CREM: variants seen among roughly 807,000 people sequenced by gnomAD.
The protein encoded by CREM is cAMP-responsive element modulator.
CREM carries 13 observed loss-of-function variants against 37.3 expected under a neutral mutation model. The ratio of observed to expected loss-of-function variants is 0.35; its 90% CI spans 0.23 to 0.55. The LOEUF is 0.55. Among genes scored for constraint, CREM ranks in the 20% least tolerant of loss-of-function variants. The pLI, the probability that CREM is intolerant of heterozygous loss-of-function variation, is 0.88. For missense variants in CREM, 296 were observed against 362.3 expected (o/e 0.82, Z 1.49); for synonymous variants, 124 against 120.2 (o/e 1.03, Z -0.21).
chr10:35,149,123 C>G (rs1159625164), intron 3 of CREM, among the ~76,000 whole-genome samples: 2 of 152,014 alleles, frequency 1.3e-5, no homozygotes, highest in Non-Finnish European at 2.9e-5. Context: ...AGCAATAATT[C>G]CAGTAGGGTA....
Position 35,188,213 on chromosome 10 carries a change from A to T in CREM, c.423A>T (p.Gln141His). Residue 141 changes from glutamine to histidine, a missense_variant, in exon 6 of 8, where the codon CAA becomes CAT. Physicochemically the swap from Gln to His is conservative, Grantham distance 24. Transcript: ENST00000685392. ...TTTTCTGTTAAGTTGCTATAGCCCA[A>T]GGTGGAACAATCCAGATTTCTAACC... ...TSTGQYIAIA[Q>H]GGTIQISNPG... 6.2e-7 allele frequency: 1 copy of T among 1,613,240 alleles called. No homozygotes were observed. The highest frequency in any genetic ancestry group is 2.2e-5 in the East Asian group (1 of 44,870).
At chr10:35,138,301 G>C (rs1252584096) in intron 2 of CREM, among the ~76,000 whole-genome samples, 1 of 152,140 alleles carries the variant, frequency 6.6e-6, no homozygotes, top group Non-Finnish European at 1.5e-5. Flanking sequence ...GTTTTCTTTT[G>C]ATTACTTTCA....
rs2092334537 is a variant in CREM, at chr10:35,148,474, A to G, written c.151A>G (p.Ile51Val). ...HVQTQTGQNS[I>V]PALAQVAAIA... Reference sequence around the variant, plus strand: ...GCAGACTCAGACTGGCCAAAATTCAATCCCTGCTTTAGCTCAGGTAGGCAA... The same window carrying G: ...GCAGACTCAGACTGGCCAAAATTCAGTCCCTGCTTTAGCTCAGGTAGGCAA... Residue 51 changes from isoleucine to valine, a missense_variant, in exon 3 of 8, where the codon ATC becomes GTC. Ile to Val is a conservative substitution (Grantham distance 29). Around this residue, in one of 2 missense-constraint regions of CREM, gnomAD observed 257 missense variants for 280.2 expected, o/e 0.92. Transcript: ENST00000685392. The G allele has an allele frequency of 6.2e-7, 1 of 1,612,174 alleles. No individual in the cohort carries two copies. The highest frequency in any genetic ancestry group is 8.5e-7 in the Non-Finnish European group (1 of 1,179,270).
intron 1 of CREM, among the ~76,000 whole-genome samples, chr10:35,131,969 G>C (rs1236495063): frequency 6.6e-6 from 1 of 152,076 alleles, no homozygotes; most frequent in African/African-American, 2.4e-5. Context: ...TAATCCCAGT[G>C]CTTTGGGAGG....
chr10:35,164,545 C>T (rs1293621098), intron 3 of CREM, among the ~76,000 whole-genome samples: 1 of 152,200 alleles, frequency 6.6e-6, no homozygotes, highest in Non-Finnish European at 1.5e-5. Flanking sequence ...TATTTTAAAA[C>T]ATTGCTGGCC....
chr10:35,175,967 G>A (rs1564883781), intron 3 of CREM: 1 of 1,551,204 alleles, frequency 6.4e-7, no homozygotes, highest in Non-Finnish European at 8.7e-7. Context: ...ACAGCCATGG[G>A]TTATTCAGTC....
rs1329668979 is a variant in CREM at position 35,170,338 on chromosome 10, C to T, written c.169-8551C>T. 2.6e-5 allele frequency among the ~76,000 whole-genome samples: 4 copies of T among 152,092 alleles called. No individual in the cohort carries two copies. The East Asian group carries it at 7.7e-4, about 29-fold the overall frequency. On this transcript the variant is annotated intron_variant, in intron 3 of 7. Transcript: ENST00000685392. The stretch of plus-strand genomic sequence containing the variant: ...TGAGGATTTTTGCATCGATGTTCAT[C>T]AGGGATATTGTTCTAAAATTCTCTT...
At chr10:35,128,971 T>G (rs1305038064) in intron 1 of CREM, among the ~76,000 whole-genome samples, 4 of 152,232 alleles carry the variant, frequency 2.6e-5, no homozygotes, top group African/African-American at 9.6e-5. Flanking sequence ...TGCTAAGTAT[T>G]AAAACTGATG....
chr10:35,170,491 G>A (rs528171762), intron 3 of CREM, among the ~76,000 whole-genome samples: 2 of 152,142 alleles, frequency 1.3e-5, no homozygotes, highest in African/African-American at 4.8e-5. Flanking sequence ...GCTCCTCCTT[G>A]TACTTCTGGT....
intron 2 of CREM, among the ~76,000 whole-genome samples, chr10:35,140,477 A>G (rs186794246): frequency 3.7e-4 from 56 of 152,208 alleles, no homozygotes; most frequent in African/African-American, 1.3e-3. Context: ...TATTTTTATT[A>G]TTATAATAAC....
intron 6 of CREM, among the ~76,000 whole-genome samples, chr10:35,193,375 T>C (rs1475933248): frequency 6.6e-6 from 1 of 151,898 alleles, no homozygotes; most frequent in African/African-American, 2.4e-5. Context: ...CTTCCTTGCC[T>C]TTTTTTTCAC....
intron 3 of CREM, among the ~76,000 whole-genome samples, chr10:35,163,794 C>G (rs1324149163): frequency 2.6e-5 from 4 of 151,978 alleles, no homozygotes; most frequent in Non-Finnish European, 5.9e-5. Context: ...GCGCTCCAGC[C>G]TGGGCGACAA....
chr10:35,179,255 C>G lies in CREM; in HGVS notation c.388C>G (p.Gln130Glu), dbSNP rs965852690. ...CATGGCAGTACCAACTAGCATATAT[C>G]AGACTAGCACGGGGCAATACAGTAT... ...ATMAVPTSIY[Q>E]TSTGQYIAIA... The change falls in exon 5 of 8, where the codon CAG (glutamine) becomes GAG (glutamate). Residue 130 changes from glutamine to glutamate, a missense_variant. Coordinates refer to ENST00000685392, the MANE Select transcript of CREM (RefSeq NM_183011.2). 1 of 1,613,994 alleles carries G rather than the reference C, an allele frequency of 6.2e-7. No homozygotes were observed. The highest frequency in any genetic ancestry group is 8.5e-7 in the Non-Finnish European group (1 of 1,179,986).
chr10:35,204,233 T>G lies in CREM; in HGVS notation c.599-2662T>G, dbSNP rs566805947. On this transcript the variant is annotated intron_variant, in intron 6 of 7. Coordinates refer to ENST00000685392, the MANE Select transcript of CREM (RefSeq NM_183011.2). ...TTTGTACGACTCATTGAGTTGTCTG[T>G]GTATACATTATTTTGTATAGTCACA... 2.6e-5 allele frequency among the ~76,000 whole-genome samples: 4 copies of G among 152,356 alleles called. No homozygotes were observed. The South Asian group carries it at 8.3e-4, about 32-fold the overall frequency.
At chr10:35,162,487 A>G (rs1486171949) in intron 3 of CREM, among the ~76,000 whole-genome samples, 2 of 152,222 alleles carry the variant, frequency 1.3e-5, no homozygotes, top group Non-Finnish European at 2.9e-5. Flanking sequence ...ACTATTACAT[A>G]ATGTATATAT....
At chr10:35,193,173 A>T (rs1479053632) in intron 6 of CREM, among the ~76,000 whole-genome samples, 19 of 152,222 alleles carry the variant, frequency 1.2e-4, no homozygotes, top group Admixed American at 3.9e-4. Flanking sequence ...CTATTTGGAC[A>T]AATACCTAGC....
Position 35,150,267 on chromosome 10 carries a change from A to G in CREM, c.168+1776A>G, listed in dbSNP as rs937345205. On this transcript the variant is annotated intron_variant, in intron 3 of 7. Transcript: ENST00000685392. ...TGGTCTCAAACTCCTGTGCTGAAGCAGTCCTTGCACCTCAGCTTCCCAAAG... is the reference window on the plus strand; with the variant it reads ...TGGTCTCAAACTCCTGTGCTGAAGCGGTCCTTGCACCTCAGCTTCCCAAAG... Among the ~76,000 whole-genome samples, 48 of 151,960 alleles carry G rather than the reference A, an allele frequency of 3.2e-4. 1 individual carries two copies. The highest frequency in any genetic ancestry group is 2.8e-3 in the Admixed American group (43 of 15,262).
intron 6 of CREM, among the ~76,000 whole-genome samples, chr10:35,193,934 T>C (rs1425973865): frequency 6.6e-6 from 1 of 151,480 alleles, no homozygotes; most frequent in African/African-American, 2.4e-5. Flanking sequence ...ACCCCGTCTC[T>C]ACTAAAAATA....
At position 35,184,616 on chromosome 10, in the gene CREM, G is replaced by GGT. The variant is rs535545404; in HGVS notation, c.410-3571_410-3570dup. 9.2e-5 allele frequency among the ~76,000 whole-genome samples: 14 copies of GGT among 151,852 alleles called. No homozygotes were observed. In the East Asian group the frequency reaches 1.6e-3, roughly 17 times the overall value. ...TTCTCACTAGAGCCAGTGTGTGAGGGGTGTGTGTGTGTGTTTGTTTAGCTT... is the reference window on the plus strand; with the variant it reads ...TTCTCACTAGAGCCAGTGTGTGAGGGGTGTGTGTGTGTGTGTTTGTTTAGCTT... On this transcript the variant is annotated intron_variant, in intron 5 of 7. Coordinates refer to ENST00000685392, the MANE Select transcript of CREM (RefSeq NM_183011.2).
Sources: gnomAD v4.1 joint callset for allele counts (sites outside exome capture counted in the v4.1 genomes callset) on GRCh38, gnomAD v4.1.1 for gene constraint, gnomAD v4.1.1 regional missense constraint, MANE v1.5 for transcripts, NCBI Gene and HGNC (gene_info 2026-07-23, HGNC 2026-07-21) for gene names.